ERC2: variants seen among roughly 807,000 people sequenced by gnomAD.
ERC2 encodes the protein ERC protein 2.
A neutral mutation model predicts 114.8 loss-of-function variants in ERC2; 42 were observed. That is an observed-to-expected ratio of 0.37 (90% CI 0.29 to 0.47). The LOEUF is 0.47. Ranked by LOEUF, ERC2 falls within the 20% of genes least tolerant of loss-of-function variation. ERC2 has a pLI of 0.99. For missense variants in ERC2, 939 were observed against 1,150.7 expected (o/e 0.82, Z 2.66); for synonymous variants, 454 against 425.5 (o/e 1.07, Z -0.82).
intron 6 of ERC2, among the ~76,000 whole-genome samples, chr3:56,098,407 T>G (rs1026936473): frequency 3.9e-5 from 6 of 152,266 alleles, no homozygotes; most frequent in African/African-American, 1.4e-4. Context: ...GCACTTTAGA[T>G]CCTGCCAGGA....
chr3:56,002,441 T>C (rs562720073), intron 10 of ERC2, among the ~76,000 whole-genome samples: 1 of 152,316 alleles, frequency 6.6e-6, no homozygotes, highest in African/African-American at 2.4e-5. Context: ...CTGCTTCATA[T>C]ATTAATAAAT....
At chr3:56,398,841 A>G (rs575728510) in intron 2 of ERC2, among the ~76,000 whole-genome samples, 1 of 152,048 alleles carries the variant, frequency 6.6e-6, no homozygotes, top group South Asian at 2.1e-4. Flanking sequence ...CTAGCCTTGA[A>G]CTCTTAGCCT....
chr3:55,969,313 T>A (rs528004384), intron 12 of ERC2, among the ~76,000 whole-genome samples: 1 of 151,998 alleles, frequency 6.6e-6, no homozygotes, highest in South Asian at 2.1e-4. Context: ...GATCATGTGC[T>A]ATAGAACCCA....
At chr3:55,957,585 A>G (rs1177227517) in intron 12 of ERC2, among the ~76,000 whole-genome samples, 2 of 152,128 alleles carry the variant, frequency 1.3e-5, no homozygotes, top group Non-Finnish European at 2.9e-5. Context: ...AACCCACTTG[A>G]CCCAGCAGGC....
At chr3:55,738,046 C>G (rs146640295) in intron 14 of ERC2, among the ~76,000 whole-genome samples, 1 of 152,234 alleles carries the variant, frequency 6.6e-6, no homozygotes, top group East Asian at 1.9e-4. Context: ...GGACTTGGAG[C>G]TAGGAAAATT....
In ERC2 at chr3:56,359,780, C is replaced by T. The variant is rs2058879383; in HGVS notation, c.658-63345G>A. Among the ~76,000 whole-genome samples, 4 of 152,172 alleles carry T rather than the reference C, an allele frequency of 2.6e-5. No individual in the cohort carries two copies. The South Asian group carries it at 8.3e-4, about 31-fold the overall frequency. On this transcript the variant is annotated intron_variant, in intron 2 of 17. Transcript: ENST00000288221. Reference sequence around the variant, plus strand: ...GCAACGGGGAGCTGCATATGCAGATCACGTGGCAAGAAAGGAAGCAAGAGA... The same window carrying T: ...GCAACGGGGAGCTGCATATGCAGATTACGTGGCAAGAAAGGAAGCAAGAGA...
intron 6 of ERC2, among the ~76,000 whole-genome samples, chr3:56,133,311 C>A (rs930992005): frequency 6.6e-6 from 1 of 152,054 alleles, no homozygotes; most frequent in African/African-American, 2.4e-5. Context: ...GTGTTGCATG[C>A]CTATAATCCC....
intron 3 of ERC2, among the ~76,000 whole-genome samples, chr3:56,268,899 G>A (rs2053487610): frequency 6.6e-6 from 1 of 152,126 alleles, no homozygotes; most frequent in Non-Finnish European, 1.5e-5. Context: ...TGTCCCTAAA[G>A]TTGATTGTGC....
chr3:55,850,103 TTCTCTGCCTCCACAA>T (rs1313371765), intron 14 of ERC2, among the ~76,000 whole-genome samples: 4 of 152,232 alleles, frequency 2.6e-5, no homozygotes, highest in African/African-American at 9.6e-5. Flanking sequence ...GATGCATTAC[TTCTCTGCCTCCACAA>T]TCTCTGCCTC....
intron 17 of ERC2, among the ~76,000 whole-genome samples, chr3:55,628,884 A>C (rs573868403): frequency 6.6e-6 from 1 of 152,186 alleles, no homozygotes; most frequent in African/African-American, 2.4e-5. Flanking sequence ...TTGGGACTGA[A>C]GCCTCTGACA....
chr3:55,966,348 G>A (rs2068747561), intron 12 of ERC2, among the ~76,000 whole-genome samples: 1 of 152,102 alleles, frequency 6.6e-6, no homozygotes, highest in Admixed American at 6.6e-5. Flanking sequence ...CACCTGGATG[G>A]CAATGTTTCT....
chr3:56,279,152 G>T (rs929580075), intron 3 of ERC2, among the ~76,000 whole-genome samples: 33 of 152,196 alleles, frequency 2.2e-4, no homozygotes, highest in Admixed American at 7.9e-4. Context: ...ATAAAAATCT[G>T]ATCCTTCACA....
At chr3:56,267,711 G>A (rs1266439106) in intron 3 of ERC2, among the ~76,000 whole-genome samples, 3 of 152,012 alleles carry the variant, frequency 2.0e-5, no homozygotes, top group African/African-American at 4.8e-5. Context: ...CCCAGGAGGC[G>A]TAGGTTGCAG....
chr3:56,218,514 A>G (rs1032818891), intron 3 of ERC2, among the ~76,000 whole-genome samples: 13 of 152,242 alleles, frequency 8.5e-5, no homozygotes, highest in African/African-American at 3.1e-4. Context: ...GGATGTGGAG[A>G]AATAGGAACA....
intron 17 of ERC2, among the ~76,000 whole-genome samples, chr3:55,539,486 G>A (rs1275481420): frequency 8.2e-6 from 1 of 121,480 alleles, no homozygotes; most frequent in Non-Finnish European, 1.6e-5. Context: ...GCAGTGGTGC[G>A]ATCTCAGCTC....
At chr3:55,637,761 A>C (rs186276342) in intron 17 of ERC2, among the ~76,000 whole-genome samples, 2 of 152,292 alleles carry the variant, frequency 1.3e-5, no homozygotes, top group South Asian at 2.1e-4. Context: ...CGTCACTGGC[A>C]CACTGTAGGT....
At chr3:55,946,788 G>T (rs984714320) in intron 13 of ERC2, among the ~76,000 whole-genome samples, 1 of 152,114 alleles carries the variant, frequency 6.6e-6, no homozygotes, top group Non-Finnish European at 1.5e-5. Context: ...CAAAAAAAAT[G>T]ATTTGAGAAG....
intron 3 of ERC2, among the ~76,000 whole-genome samples, chr3:56,253,284 C>T (rs1481419625): frequency 6.6e-6 from 1 of 152,080 alleles, no homozygotes; most frequent in Non-Finnish European, 1.5e-5. Context: ...ATTTTGATGG[C>T]TATATGATAT....
At chr3:56,459,099 C>G (rs531504304) in intron 1 of ERC2, among the ~76,000 whole-genome samples, 55 of 152,304 alleles carry the variant, frequency 3.6e-4, no homozygotes, top group African/African-American at 1.3e-3. Context: ...GAGCAGCTCC[C>G]AGACCCCAAA....
Sources: allele counts gnomAD v4.1 joint callset (sites outside exome capture counted in the v4.1 genomes callset), GRCh38; gene constraint gnomAD v4.1.1; transcripts MANE v1.5; gene names NCBI Gene and HGNC (gene_info 2026-07-23, HGNC 2026-07-21).